The following ADCY5 variants were observed in gnomAD, a reference collection of about 807,000 sequenced individuals.
ADCY5 encodes adenylate cyclase type 5.
Under a neutral mutation model 119.7 loss-of-function variants are expected in ADCY5, and 30 were observed. The observed-to-expected ratio is 0.25, with a 90% CI of 0.19 to 0.34. The LOEUF is 0.34. ADCY5 is among the 10% of genes least tolerant of loss of function. The probability of loss-of-function intolerance (pLI) is 1.00; values close to 1 mark genes in which losing one functional copy is unlikely to be tolerated. For missense variants in ADCY5, 1,324 were observed against 1,775.2 expected, an observed-to-expected ratio of 0.75 and a Z score of 4.57; for synonymous variants, 753 against 762.2, an observed-to-expected ratio of 0.99 and a Z score of 0.20.
At chr3:123,362,544 G>A (rs564602574) in intron 1 of ADCY5, among the ~76,000 whole-genome samples, 9 of 152,232 alleles carry the variant, frequency 5.9e-5, no homozygotes, top group East Asian at 1.9e-4. Flanking sequence ...CACGCTTTGC[G>A]CAACCGGAGA....
At chr3:123,342,703 C>A (rs1942348317) in intron 3 of ADCY5, among the ~76,000 whole-genome samples, 1 of 151,782 alleles carries the variant, frequency 6.6e-6, no homozygotes, top group African/African-American at 2.4e-5. Flanking sequence ...CCACCCAACA[C>A]CTACGACCTT....
At chr3:123,403,125 C>T (rs1003647766) in intron 1 of ADCY5, among the ~76,000 whole-genome samples, 2 of 152,018 alleles carry the variant, frequency 1.3e-5, no homozygotes, top group Non-Finnish European at 2.9e-5. Context: ...CACGCCTGTA[C>T]TCCCAGCATT....
At position 123,294,072 on chromosome 3, in the gene ADCY5, A is replaced by T. The variant is rs550700699; in HGVS notation, c.3063+2012T>A. ...GGGCCAAACCTAGGACAATTTGAGC[A>T]TTAAAATACATAGTGAGGGTTGCAG... On this transcript the variant is annotated intron_variant, in intron 17 of 20. Coordinates refer to ENST00000462833, the MANE Select transcript of ADCY5 (RefSeq NM_183357.3). Among the ~76,000 whole-genome samples, 15 of 152,358 alleles carry T rather than the reference A, an allele frequency of 9.8e-5. No homozygotes were observed. The South Asian group carries it at 2.1e-3, about 21-fold the overall frequency.
At chr3:123,350,842 T>C (rs903754862) in intron 2 of ADCY5, among the ~76,000 whole-genome samples, 18 of 151,926 alleles carry the variant, frequency 1.2e-4, no homozygotes, top group Non-Finnish European at 1.9e-4. Context: ...CCTGGAGAAG[T>C]GAGAGGCACA....
At chr3:123,373,761 C>CG (rs1161766351) in intron 1 of ADCY5, among the ~76,000 whole-genome samples, 1 of 20,262 alleles carries the variant, frequency 4.9e-5, no homozygotes, top group Non-Finnish European at 1.1e-4. Context: ...GCATCACGCC[C>CG]CCCCCCCCCC....
chr3:123,343,841 T>C (rs1249674593), intron 3 of ADCY5, among the ~76,000 whole-genome samples: 1 of 152,180 alleles, frequency 6.6e-6, no homozygotes, highest in African/African-American at 2.4e-5. Flanking sequence ...TGGCTCCAGC[T>C]GACCCCCCGC....
chr3:123,375,771 G>T (rs1015325539), intron 1 of ADCY5, among the ~76,000 whole-genome samples: 1 of 152,220 alleles, frequency 6.6e-6, no homozygotes. Context: ...TGTGTAGCAA[G>T]TGGATAGCTG....
intron 5 of ADCY5, among the ~76,000 whole-genome samples, chr3:123,330,150 T>C (rs997291802): frequency 2.0e-5 from 3 of 152,236 alleles, no homozygotes; most frequent in Admixed American, 6.5e-5. Context: ...ACTTGGCAAG[T>C]GCTGCAAGTA....
chr3:123,344,289 G>A (rs1036541542), intron 3 of ADCY5, among the ~76,000 whole-genome samples: 1 of 152,170 alleles, frequency 6.6e-6, no homozygotes, highest in Non-Finnish European at 1.5e-5. Context: ...ACTCTGCAGA[G>A]AATTGATGAA....
At chr3:123,385,293 GCA>G (rs59025602) in intron 1 of ADCY5, among the ~76,000 whole-genome samples, 3 of 150,764 alleles carry the variant, frequency 2.0e-5, no homozygotes, top group Non-Finnish European at 4.4e-5. Context: ...AGACACACAC[GCA>G]CACACACACA....
At position 123,296,222 on chromosome 3, in the gene ADCY5, G is replaced by T; in HGVS notation, c.2931-6C>A. On this transcript the variant is annotated splice_polypyrimidine_tract_variant and splice_region_variant and intron_variant, in intron 16 of 20. Transcript: ENST00000462833. ...CCTTGGTTGCATGCTCAGGGCTGTG[G>T]GGAGGTGGTGGACAGGCCTGAGACG... 1 of 1,613,384 alleles carries T rather than the reference G, an allele frequency of 6.2e-7. No individual in the cohort carries two copies. Among genetic ancestry groups the T allele is most frequent in the South Asian group, 1.1e-5 (1 of 91,002 alleles).
At chr3:123,422,642 CA>C (rs1199298394) in intron 1 of ADCY5, among the ~76,000 whole-genome samples, 1 of 152,206 alleles carries the variant, frequency 6.6e-6, no homozygotes, top group East Asian at 1.9e-4. Context: ...TGTCTGGTGG[CA>C]GGGGGCGCTG....
At chr3:123,441,670 C>T (rs1945724890) in intron 1 of ADCY5, among the ~76,000 whole-genome samples, 1 of 152,194 alleles carries the variant, frequency 6.6e-6, no homozygotes, top group South Asian at 2.1e-4. Flanking sequence ...GTCTGCTTTT[C>T]TCCCAGCTAA....
intron 5 of ADCY5, among the ~76,000 whole-genome samples, chr3:123,329,007 C>T (rs1347658083): frequency 6.6e-6 from 1 of 152,146 alleles, no homozygotes; most frequent in Non-Finnish European, 1.5e-5. Context: ...GGGCTGTTCC[C>T]GGCCTGGCCA....
chr3:123,401,173 T>C (rs1335923753), intron 1 of ADCY5, among the ~76,000 whole-genome samples: 1 of 152,140 alleles, frequency 6.6e-6, no homozygotes. Context: ...CCAATATGCA[T>C]AAATAATTTT....
rs1553733582 is a variant in ADCY5, at chr3:123,352,470, G to C, written c.1246C>G (p.Gln416Glu). 1.2e-6 allele frequency: 2 copies of C among 1,613,854 alleles called. No individual in the cohort carries two copies. The highest frequency in any genetic ancestry group is 1.7e-5 in the Admixed American group (1 of 60,016). ...TCCCGCTGCGAGTGGAGCCGCGCCT[G>C]GATGCACTCTCGGGTCTCCTGGAAA... ...QAFQETRECI[Q>E]ARLHSQRENQ... is the part of the protein sequence containing the mutation. Residue 416 changes from glutamine (Q) to glutamate (E), a missense_variant, in exon 2 of 21, where the codon CAG becomes GAG. Physicochemically the swap from Gln to Glu is conservative, Grantham distance 29. Coordinates refer to ENST00000462833, the MANE Select transcript of ADCY5 (RefSeq NM_183357.3). This position sits in a 1 kb window ranked among gnomAD's most constrained non-coding sequence, Gnocchi z 4.8.
At chr3:123,346,261 C>G (rs1461015672) in intron 3 of ADCY5, among the ~76,000 whole-genome samples, 1 of 152,246 alleles carries the variant, frequency 6.6e-6, no homozygotes, top group African/African-American at 2.4e-5. Flanking sequence ...ACCAACTCCA[C>G]TTCCCTGAGC....
At chr3:123,314,685 T>C (rs1343151075) in intron 11 of ADCY5, among the ~76,000 whole-genome samples, 1 of 152,184 alleles carries the variant, frequency 6.6e-6, no homozygotes, top group Non-Finnish European at 1.5e-5. Flanking sequence ...CTGATGTGCT[T>C]CATTTAGCTT....
At chr3:123,310,549 C>T (rs1261280753) in intron 12 of ADCY5, among the ~76,000 whole-genome samples, 1 of 152,212 alleles carries the variant, frequency 6.6e-6, no homozygotes, top group Non-Finnish European at 1.5e-5. Flanking sequence ...GCATGGGCCC[C>T]TTCCAACCTG....
Sources: gnomAD v4.1 joint callset for allele counts (sites outside exome capture counted in the v4.1 genomes callset) on GRCh38, gnomAD v4.1.1 for gene constraint, Gnocchi (gnomAD v3.1) non-coding constraint, MANE v1.5 for transcripts, NCBI Gene and HGNC (gene_info 2026-07-23, HGNC 2026-07-21) for gene names.